STK10: variants seen among roughly 807,000 people sequenced by gnomAD.
STK10 encodes the protein serine/threonine-protein kinase 10.
In STK10, 78 loss-of-function variants were observed where a neutral mutation model predicts 113.8. That is an observed-to-expected ratio of 0.69 (90% CI 0.57 to 0.83). The LOEUF (loss-of-function observed/expected upper bound fraction) is 0.83, where lower values mean the gene tolerates loss of function less well. STK10 is among the 40% of genes least tolerant of loss of function. The probability of loss-of-function intolerance (pLI) is 0.00; values close to 1 mark genes in which losing one functional copy is unlikely to be tolerated. For missense variants in STK10, 1,109 were observed against 1,280.1 expected (o/e 0.87, Z 2.04); for synonymous variants, 465 against 494.7 (o/e 0.94, Z 0.80).
At chr5:172,186,100 C>G (rs1770950565) in intron 1 of STK10, among the ~76,000 whole-genome samples, 2 of 151,830 alleles carry the variant, frequency 1.3e-5, no homozygotes, top group African/African-American at 4.8e-5. Context: ...ATGGTGAAAC[C>G]CCGTCTCTAC....
At chr5:172,113,222 G>GC (rs1040251056) in intron 4 of STK10, among the ~76,000 whole-genome samples, 11 of 152,138 alleles carry the variant, frequency 7.2e-5, no homozygotes, top group African/African-American at 2.7e-4. Flanking sequence ...ACTGCACTGG[G>GC]GGGGGTGTCA....
intron 4 of STK10, among the ~76,000 whole-genome samples, chr5:172,111,408 G>T (rs958482522): frequency 5.9e-5 from 9 of 152,204 alleles, no homozygotes; most frequent in Non-Finnish European, 1.0e-4. Context: ...ACACACCGTA[G>T]GTCCCCAGGG....
At chr5:172,165,593 G>A (rs533386583) in intron 1 of STK10, among the ~76,000 whole-genome samples, 2 of 149,458 alleles carry the variant, frequency 1.3e-5, no homozygotes, top group East Asian at 4.0e-4. Context: ...CCCTCGCTCT[G>A]AGTCCAAGGG....
intron 12 of STK10, among the ~76,000 whole-genome samples, chr5:172,075,202 T>C (rs930298416): frequency 2.6e-5 from 4 of 151,820 alleles, no homozygotes; most frequent in Admixed American, 2.6e-4. Flanking sequence ...ACTTCTGCTC[T>C]ATACAAGACA....
intron 15 of STK10, among the ~76,000 whole-genome samples, chr5:172,056,794 A>G (rs1482010098): frequency 1.3e-5 from 2 of 151,670 alleles, no homozygotes; most frequent in Non-Finnish European, 1.5e-5. Context: ...GAATCACTTG[A>G]ACCCAGGAGG....
At chr5:172,132,925 G>A (rs1310606362) in intron 2 of STK10, among the ~76,000 whole-genome samples, 2 of 152,206 alleles carry the variant, frequency 1.3e-5, no homozygotes, top group African/African-American at 4.8e-5. Flanking sequence ...CCAGAAGCCT[G>A]TGGACACGGT....
chr5:172,106,521 G>A, intron 6 of STK10, 99 bp downstream of exon 6: 1 of 1,308,212 alleles, frequency 7.6e-7, no homozygotes, highest in Admixed American at 2.7e-5. Context: ...AGCACCAGGA[G>A]AACGCTACCA....
chr5:172,145,779 G>A (rs1443941704), intron 2 of STK10, among the ~76,000 whole-genome samples: 1 of 152,198 alleles, frequency 6.6e-6, no homozygotes, highest in Admixed American at 6.5e-5. Flanking sequence ...CTCCCTGGTT[G>A]TGATCACATG....
intron 1 of STK10, among the ~76,000 whole-genome samples, chr5:172,185,558 C>T (rs976778023): frequency 6.6e-6 from 1 of 152,140 alleles, no homozygotes; most frequent in Non-Finnish European, 1.5e-5. Flanking sequence ...TGAGCCACCA[C>T]GCCCGGCCCA....
intron 3 of STK10, among the ~76,000 whole-genome samples, chr5:172,123,228 C>G (rs1203849544): frequency 6.6e-6 from 1 of 152,048 alleles, no homozygotes; most frequent in Non-Finnish European, 1.5e-5. Context: ...GCAGGAAGGT[C>G]AACACTAAAC....
At chr5:172,056,853 G>A (rs1767785040) in intron 15 of STK10, among the ~76,000 whole-genome samples, 2 of 150,280 alleles carry the variant, frequency 1.3e-5, no homozygotes, top group Admixed American at 6.7e-5. Context: ...CAGCCTGAGT[G>A]AGAGAGCGAC....
rs568623952 is a variant in STK10, at chr5:172,052,917, G to A, written c.2766+12C>T. 5.0e-5 allele frequency: 80 copies of A among 1,613,342 alleles called. No individual in the cohort carries two copies. In the South Asian group the frequency reaches 6.8e-4, roughly 14 times the overall value. Reference sequence around the variant, plus strand: ...AGCCCGAGACTGAGCCCACCAGCTCGGATAAAGTTACCTTCTTGCGCGGCC... The same window carrying A: ...AGCCCGAGACTGAGCCCACCAGCTCAGATAAAGTTACCTTCTTGCGCGGCC... On this transcript the variant is annotated intron_variant, in intron 18 of 18. Transcript: ENST00000176763.
intron 7 of STK10, among the ~76,000 whole-genome samples, chr5:172,096,772 C>T (rs957920756): frequency 6.6e-6 from 1 of 152,152 alleles, no homozygotes; most frequent in South Asian, 2.1e-4. Flanking sequence ...GGCTGTGTGA[C>T]CTTGAGCATG....
At chr5:172,124,930 C>A (rs893303690) in intron 3 of STK10, among the ~76,000 whole-genome samples, 1 of 152,122 alleles carries the variant, frequency 6.6e-6, no homozygotes, top group Non-Finnish European at 1.5e-5. Context: ...TTGCAATTCA[C>A]TATGCTATGT....
intron 1 of STK10, among the ~76,000 whole-genome samples, chr5:172,169,767 G>A (rs1391159950): frequency 3.3e-5 from 5 of 151,988 alleles, no homozygotes; most frequent in South Asian, 2.1e-4. Context: ...TACAGGAATC[G>A]ACCCCGCTCC....
intron 13 of STK10, among the ~76,000 whole-genome samples, chr5:172,063,111 G>T (rs1230161478): frequency 3.3e-5 from 5 of 152,024 alleles, no homozygotes; most frequent in Non-Finnish European, 5.9e-5. Context: ...TTAGCTAGGC[G>T]TGATGGCAGG....
chr5:172,141,697 A>G (rs918084745), intron 2 of STK10, among the ~76,000 whole-genome samples: 55 of 152,072 alleles, frequency 3.6e-4, no homozygotes, highest in African/African-American at 1.3e-3. Context: ...CCCTCTTGTC[A>G]GAGGTGTGGT....
At chr5:172,186,593 G>C (rs1022997212) in intron 1 of STK10, among the ~76,000 whole-genome samples, 7 of 151,824 alleles carry the variant, frequency 4.6e-5, no homozygotes, top group African/African-American at 1.7e-4. Flanking sequence ...CTGCACTCCA[G>C]ACTGAGCAAC....
chr5:172,076,639 G>A (rs73319861), intron 12 of STK10, among the ~76,000 whole-genome samples: 6,312 of 152,220 alleles, frequency 0.041, 467 homozygotes, highest in African/African-American at 0.14. Context: ...TGGCCCCCAC[G>A]GAACAAAATA....
Sources: gnomAD v4.1 joint callset for allele counts (sites outside exome capture counted in the v4.1 genomes callset) on GRCh38, gnomAD v4.1.1 for gene constraint, MANE v1.5 for transcripts, NCBI Gene and HGNC (gene_info 2026-07-23, HGNC 2026-07-21) for gene names.